The following FTO variants were observed in gnomAD, a reference collection of about 807,000 sequenced individuals.
The protein encoded by FTO is FTO alpha-ketoglutarate dependent dioxygenase.
Under a neutral mutation model 63.9 loss-of-function variants are expected in FTO, and 47 were observed. The observed-to-expected ratio is 0.74, with a 90% CI of 0.58 to 0.94. The LOEUF is 0.94. FTO is among the 40% of genes least tolerant of loss of function. FTO has a pLI of 0.00. For synonymous variants in FTO, 207 were observed against 224.4 expected, an observed-to-expected ratio of 0.92 and a Z score of 0.69; for missense variants, 562 against 618.1, an observed-to-expected ratio of 0.91 and a Z score of 0.96.
At chr16:53,969,796 C>A (rs887132727) in intron 8 of FTO, among the ~76,000 whole-genome samples, 2 of 152,184 alleles carry the variant, frequency 1.3e-5, no homozygotes, top group Non-Finnish European at 2.9e-5. Context: ...GAAAGCCTCG[C>A]CCGTAACCTG....
chr16:53,732,531 T>A (rs920101091), intron 1 of FTO, among the ~76,000 whole-genome samples: 1 of 152,218 alleles, frequency 6.6e-6, no homozygotes, highest in Non-Finnish European at 1.5e-5. Context: ...AACTGTGAAG[T>A]ATCTTTTAGG....
intron 7 of FTO, among the ~76,000 whole-genome samples, chr16:53,912,336 T>C (rs1218263435): frequency 6.6e-6 from 1 of 152,164 alleles, no homozygotes; most frequent in African/African-American, 2.4e-5. Flanking sequence ...CAGATGAGCC[T>C]CTTCCCCTCC....
chr16:53,707,363 G>T (rs2075650825), intron 1 of FTO, among the ~76,000 whole-genome samples: 1 of 152,182 alleles, frequency 6.6e-6, no homozygotes, highest in South Asian at 2.1e-4. Context: ...AAGGATGCCA[G>T]TCATTGGATT....
chr16:53,952,715 G>GCC (rs2082828429), intron 8 of FTO, among the ~76,000 whole-genome samples: 2 of 152,172 alleles, frequency 1.3e-5, no homozygotes, highest in African/African-American at 4.8e-5. Context: ...TGCTGAAATG[G>GCC]GTGGAAGAAT....
chr16:54,018,415 TA>T (rs1209126169), intron 8 of FTO, among the ~76,000 whole-genome samples: 2 of 149,862 alleles, frequency 1.3e-5, no homozygotes, highest in East Asian at 1.9e-4. Flanking sequence ...GATAGATACA[TA>T]CATACATACA....
In FTO at chr16:54,024,627, A is replaced by G. The variant is rs1404257613; in HGVS notation, c.1365-87135A>G. ...AATTATCCTGACTCTTCCACTTACA[A>G]ACTACATGGCATTGGGCAAATTACT... On this transcript the variant is annotated intron_variant, in intron 8 of 8. Transcript: ENST00000471389. 3.3e-5 allele frequency among the ~76,000 whole-genome samples: 5 copies of G among 152,168 alleles called. No homozygotes were observed. In the East Asian group the frequency reaches 9.6e-4, roughly 29 times the overall value.
intron 1 of FTO, among the ~76,000 whole-genome samples, chr16:53,709,062 C>G (rs1040511864): frequency 1.3e-5 from 2 of 152,162 alleles, no homozygotes; most frequent in Non-Finnish European, 2.9e-5. Context: ...GTCTTTATCC[C>G]AAAGTCACAA....
At chr16:53,880,549 A>G (rs1157402859) in intron 6 of FTO, among the ~76,000 whole-genome samples, 1 of 152,042 alleles carries the variant, frequency 6.6e-6, no homozygotes, top group Non-Finnish European at 1.5e-5. Flanking sequence ...ATTTATCCTC[A>G]CTGTTCTGGA....
chr16:53,968,283 AG>A (rs766298451), intron 8 of FTO, among the ~76,000 whole-genome samples: 14 of 152,212 alleles, frequency 9.2e-5, no homozygotes, highest in Non-Finnish European at 1.8e-4. Context: ...AAAACATCAC[AG>A]TGCAGAAGCA....
At chr16:54,049,335 TG>T (rs1555504427) in intron 8 of FTO, among the ~76,000 whole-genome samples, 1 of 152,166 alleles carries the variant, frequency 6.6e-6, no homozygotes, top group Non-Finnish European at 1.5e-5. Flanking sequence ...ACAGAGACCC[TG>T]GAAGACCTTG....
chr16:53,999,476 G>A (rs1567507052), intron 8 of FTO, among the ~76,000 whole-genome samples: 1 of 152,186 alleles, frequency 6.6e-6, no homozygotes, highest in Non-Finnish European at 1.5e-5. Context: ...GTGGAGACAA[G>A]CTGTCATAGG....
chr16:53,997,223 GAGAGAA>G (rs1212887578), intron 8 of FTO, among the ~76,000 whole-genome samples: 73 of 151,054 alleles, frequency 4.8e-4, no homozygotes, highest in Non-Finnish European at 4.4e-4. Context: ...GAAGGAGAGA[GAGAGAA>G]AGAAAGAAAG....
intron 2 of FTO, among the ~76,000 whole-genome samples, chr16:53,812,318 T>C (rs140560023): frequency 9.3e-4 from 141 of 152,060 alleles, no homozygotes; most frequent in African/African-American, 2.9e-3. Flanking sequence ...GTGTGCAGGC[T>C]GGAGTGCAGT....
At chr16:53,710,540 G>A (rs908860092) in intron 1 of FTO, among the ~76,000 whole-genome samples, 6 of 152,122 alleles carry the variant, frequency 3.9e-5, no homozygotes, top group Admixed American at 1.3e-4. Context: ...TGGGATTACA[G>A]GCGTGAGCCA....
In FTO at chr16:54,024,519, C is replaced by T. The variant is rs901443534; in HGVS notation, c.1365-87243C>T. Among the ~76,000 whole-genome samples the T allele has an allele frequency of 1.2e-4, 18 of 152,216 alleles. 1 individual carries two copies. The highest frequency in any genetic ancestry group is 3.9e-4 in the Admixed American group (6 of 15,290). On this transcript the variant is annotated intron_variant, in intron 8 of 8. Coordinates refer to ENST00000471389, the MANE Select transcript of FTO (RefSeq NM_001080432.3). Reference sequence around the variant, plus strand: ...CTGGGATTACAGGTGTGAGTCACCGCGCCCGGCCTTGGCTGGTTTTATGTT... The same window carrying T: ...CTGGGATTACAGGTGTGAGTCACCGTGCCCGGCCTTGGCTGGTTTTATGTT...
intron 1 of FTO, among the ~76,000 whole-genome samples, chr16:53,760,409 C>A (rs755531189): frequency 6.6e-6 from 1 of 151,756 alleles, no homozygotes. Flanking sequence ...CCATGCCCAG[C>A]TGATTTTTGT....
At chr16:53,922,754 G>C (rs542397726) in intron 7 of FTO, among the ~76,000 whole-genome samples, 42 of 152,194 alleles carry the variant, frequency 2.8e-4, no homozygotes, top group Non-Finnish European at 5.3e-4. Flanking sequence ...GGAGTGGAAT[G>C]TCACCCAGAA....
chr16:53,796,591 GA>G (rs1424661162), intron 1 of FTO, among the ~76,000 whole-genome samples: 1 of 152,126 alleles, frequency 6.6e-6, no homozygotes, highest in Non-Finnish European at 1.5e-5. Context: ...ATACATTTGA[GA>G]ACTTAGATGA....
At chr16:53,811,445 T>C (rs2078519065) in intron 2 of FTO, among the ~76,000 whole-genome samples, 1 of 152,124 alleles carries the variant, frequency 6.6e-6, no homozygotes, top group Non-Finnish European at 1.5e-5. Context: ...GTCAATATGA[T>C]TTCTGTGACT....
Sources: gnomAD v4.1 joint callset for allele counts (sites outside exome capture counted in the v4.1 genomes callset) on GRCh38, gnomAD v4.1.1 for gene constraint, MANE v1.5 for transcripts, NCBI Gene and HGNC (gene_info 2026-07-23, HGNC 2026-07-21) for gene names.